Variants in NRCAM observed in about 807,000 individuals in gnomAD.
The protein encoded by NRCAM is neuronal cell adhesion molecule, also known as NgCAM-related cell adhesion molecule.
NRCAM carries 83 observed loss-of-function variants against 156.5 expected under a neutral mutation model. The observed-to-expected ratio is 0.53, with a 90% CI of 0.44 to 0.64. The LOEUF (loss-of-function observed/expected upper bound fraction) is 0.64, where lower values mean the gene tolerates loss of function less well. Among genes scored for constraint, NRCAM ranks in the 30% least tolerant of loss-of-function variants. The pLI is 0.00. For synonymous variants in NRCAM, 538 were observed against 563.9 expected, an observed-to-expected ratio of 0.95 and a Z score of 0.65; for missense variants, 1,417 against 1,597.3, an observed-to-expected ratio of 0.89 and a Z score of 1.92.
intron 2 of NRCAM, among the ~76,000 whole-genome samples, chr7:108,386,275 A>G (rs2099740633): frequency 6.6e-6 from 1 of 152,198 alleles, no homozygotes; most frequent in African/African-American, 2.4e-5. Flanking sequence ...GAGAAAATGC[A>G]AAGTCCAATA....
chr7:108,431,263 T>C (rs887050636), intron 1 of NRCAM, among the ~76,000 whole-genome samples: 7 of 152,162 alleles, frequency 4.6e-5, no homozygotes, highest in African/African-American at 1.7e-4. Flanking sequence ...CTTTGTCCAG[T>C]GCTTTTTCCA....
intron 1 of NRCAM, among the ~76,000 whole-genome samples, chr7:108,404,319 G>A (rs750130483): frequency 1.3e-5 from 2 of 152,134 alleles, no homozygotes; most frequent in Non-Finnish European, 2.9e-5. Context: ...CCCATTAGGT[G>A]CCACAAGAAA....
intron 8 of NRCAM, among the ~76,000 whole-genome samples, chr7:108,228,322 A>AAAC (rs939404848): frequency 2.2e-5 from 3 of 134,360 alleles, no homozygotes; most frequent in African/African-American, 8.4e-5. Context: ...ACTCCATCTA[A>AAAC]AACAAAAAAA....
chr7:108,384,141 G>A (rs1595891488), intron 2 of NRCAM, among the ~76,000 whole-genome samples: 2 of 152,050 alleles, frequency 1.3e-5, no homozygotes, highest in Admixed American at 6.6e-5. Context: ...TAACTATTGG[G>A]TACTGGGCTT....
chr7:108,252,819 G>C (rs766074405), intron 3 of NRCAM, among the ~76,000 whole-genome samples: 21 of 152,246 alleles, frequency 1.4e-4, no homozygotes, highest in Non-Finnish European at 2.2e-4. Flanking sequence ...CAAGGGTATG[G>C]ATGGAGACGA....
chr7:108,188,400 T>C (rs1291092772), intron 20 of NRCAM, among the ~76,000 whole-genome samples: 2 of 151,502 alleles, frequency 1.3e-5, no homozygotes, highest in Non-Finnish European at 2.9e-5. Flanking sequence ...TGTGTGTGTG[T>C]ATATATACAT....
intron 27 of NRCAM, 21 bp downstream of exon 27, chr7:108,176,409 T>TA: frequency 1.9e-6 from 3 of 1,599,288 alleles, no homozygotes; most frequent in Non-Finnish European, 2.6e-6. Flanking sequence ...ATTATATGGA[T>TA]TTTATACATA....
intron 32 of NRCAM, among the ~76,000 whole-genome samples, chr7:108,151,945 T>G (rs1378649545): frequency 1.3e-5 from 2 of 152,138 alleles, no homozygotes; most frequent in African/African-American, 4.8e-5. Context: ...TGGCATTTCT[T>G]TGGTCTAGCC....
chr7:108,202,350 A>C (rs1233613926), intron 13 of NRCAM, among the ~76,000 whole-genome samples: 1 of 152,212 alleles, frequency 6.6e-6, no homozygotes, highest in East Asian at 1.9e-4. Context: ...TCAATCTTTA[A>C]AATGCTTTTA....
chr7:108,351,275 G>A (rs2099410652), intron 2 of NRCAM, among the ~76,000 whole-genome samples: 1 of 152,088 alleles, frequency 6.6e-6, no homozygotes, highest in South Asian at 2.1e-4. Context: ...CCTTGACCTT[G>A]GACTTCCTAG....
chr7:108,327,073 A>T (rs17155448), intron 2 of NRCAM, among the ~76,000 whole-genome samples: 1,541 of 152,290 alleles, frequency 0.01, 26 homozygotes, highest in African/African-American at 0.034. Context: ...CTGTTGCCAG[A>T]GCCTTCCTAT....
intron 3 of NRCAM, among the ~76,000 whole-genome samples, chr7:108,256,243 A>T (rs1277415321): frequency 1.3e-5 from 2 of 151,618 alleles, no homozygotes; most frequent in African/African-American, 4.9e-5. Flanking sequence ...GTGTAGAAAG[A>T]AGTAGACATA....
chr7:108,436,812 T>C (rs1286218413), intron 1 of NRCAM, among the ~76,000 whole-genome samples: 1 of 152,210 alleles, frequency 6.6e-6, no homozygotes, highest in East Asian at 1.9e-4. Context: ...CATACACTGT[T>C]GGTGGGAATG....
At chr7:108,227,979 T>C (rs1353306744) in intron 8 of NRCAM, among the ~76,000 whole-genome samples, 2 of 152,156 alleles carry the variant, frequency 1.3e-5, no homozygotes, top group Non-Finnish European at 2.9e-5. Flanking sequence ...GGTTGGTGGT[T>C]GCAAATTTAT....
At chr7:108,178,828 G>A (rs2062033251) in intron 25 of NRCAM, among the ~76,000 whole-genome samples, 1 of 152,112 alleles carries the variant, frequency 6.6e-6, no homozygotes, top group Non-Finnish European at 1.5e-5. Context: ...CACTGCCCCT[G>A]GAAACTAACT....
intron 13 of NRCAM, among the ~76,000 whole-genome samples, chr7:108,203,966 G>C (rs1489877453): frequency 2.0e-5 from 3 of 152,174 alleles, no homozygotes; most frequent in Non-Finnish European, 2.9e-5. Context: ...CATGGTGGCA[G>C]ACTGTGCCCT....
At chr7:108,150,353 G>A (rs1162351031) in intron 32 of NRCAM, among the ~76,000 whole-genome samples, 1 of 152,198 alleles carries the variant, frequency 6.6e-6, no homozygotes, top group East Asian at 1.9e-4. Context: ...GTCTTCAGTA[G>A]AGTGGATGGC....
intron 2 of NRCAM, among the ~76,000 whole-genome samples, chr7:108,314,974 T>C (rs1458236812): frequency 1.3e-5 from 2 of 152,078 alleles, no homozygotes; most frequent in African/African-American, 2.4e-5. Context: ...AAAGGTTAGA[T>C]TACATTAAGA....
At chr7:108,329,784 A>G (rs1216801872) in intron 2 of NRCAM, among the ~76,000 whole-genome samples, 1 of 152,162 alleles carries the variant, frequency 6.6e-6, no homozygotes, top group African/African-American at 2.4e-5. Context: ...AACCCAACCA[A>G]GTAGAGACAT....
Sources: gnomAD v4.1 joint callset for allele counts (sites outside exome capture counted in the v4.1 genomes callset) on GRCh38, gnomAD v4.1.1 for gene constraint, MANE v1.5 for transcripts, NCBI Gene and HGNC (gene_info 2026-07-23, HGNC 2026-07-21) for gene names.